The following SYNGR1 variants were observed in gnomAD, a reference collection of about 807,000 sequenced individuals.
The protein encoded by SYNGR1 is synaptogyrin-1.
A neutral mutation model predicts 26.1 loss-of-function variants in SYNGR1; 14 were observed. That is an observed-to-expected ratio of 0.54 (90% CI 0.35 to 0.84). The LOEUF is 0.84. SYNGR1 is among the 40% of genes least tolerant of loss of function. The pLI is 0.01. For missense variants in SYNGR1, 319 were observed against 332.9 expected, an observed-to-expected ratio of 0.96 and a Z score of 0.33; for synonymous variants, 141 against 150.1, an observed-to-expected ratio of 0.94 and a Z score of 0.44.
chr22:39,374,414 C>T lies in SYNGR1; in HGVS notation c.198C>T (p.Asn66=), dbSNP rs368987356. 25 of 1,614,066 alleles carry T rather than the reference C, an allele frequency of 1.5e-5. No individual in the cohort carries two copies. Among genetic ancestry groups the T allele is most frequent in the South Asian group, 6.6e-5 (6 of 91,092 alleles). ...TCTGCATCTACAACCGCAACCCCAACGCCTGCAGCTATGGCGTGGCCGTGG... is the reference window on the plus strand; with the variant it reads ...TCTGCATCTACAACCGCAACCCCAATGCCTGCAGCTATGGCGTGGCCGTGG... ...EEFCIYNRNP[N]ACSYGVAVGV... is the part of the protein sequence containing the mutation. The change falls in exon 2 of 4, where the codon AAC becomes AAT. Residue 66 remains asparagine (N), a synonymous_variant. Transcript: ENST00000328933.
chr22:39,373,174 G>C (rs895887627), intron 1 of SYNGR1, among the ~76,000 whole-genome samples: 2 of 148,624 alleles, frequency 1.3e-5, no homozygotes, highest in Non-Finnish European at 3.0e-5. Flanking sequence ...CACATAGATA[G>C]ATTTTTTTTT....
At chr22:39,372,762 C>T (rs554973417) in intron 1 of SYNGR1, among the ~76,000 whole-genome samples, 1 of 152,222 alleles carries the variant, frequency 6.6e-6, no homozygotes, top group East Asian at 1.9e-4. Flanking sequence ...AGCCACTGTG[C>T]CTGGCCTGGG....
In SYNGR1 at chr22:39,384,068, C is replaced by A. The variant is rs1043013542; in HGVS notation, c.*2154C>A. On this transcript the variant is annotated 3_prime_UTR_variant, in exon 4 of 4. Coordinates refer to ENST00000328933, the MANE Select transcript of SYNGR1 (RefSeq NM_004711.5). ...TTATCTGTTGGCCTGAAGAGTGAAA[C>A]CTGTACCAGGCCAAAGGTGAGGGCG... 5 of 154,168 alleles carry A rather than the reference C, an allele frequency of 3.2e-5. No individual in the cohort carries two copies. The Admixed American group carries it at 3.3e-4, about 10-fold the overall frequency. The allele number at this position is 154,168 out of a possible 1,614,324, so 9.6% of individuals were successfully genotyped here.
chr22:39,368,830 G>A (rs529745079), intron 1 of SYNGR1, among the ~76,000 whole-genome samples: 2 of 152,376 alleles, frequency 1.3e-5, no homozygotes, highest in South Asian at 4.1e-4. Context: ...GTGTCTGTTA[G>A]TAAGTGTTCG....
At chr22:39,377,657 C>A (rs757408238) in intron 3 of SYNGR1, 88 of 1,613,882 alleles carry the variant, frequency 5.5e-5, no homozygotes, top group Non-Finnish European at 7.0e-5. Flanking sequence ...AGGAGGAGTA[C>A]AGCACACTGT....
At chr22:39,362,342 C>A (rs565239341) in intron 1 of SYNGR1, among the ~76,000 whole-genome samples, 1 of 152,170 alleles carries the variant, frequency 6.6e-6, no homozygotes, top group Non-Finnish European at 1.5e-5. Context: ...ACCGAGCACT[C>A]GGGGCGACAG....
Position 39,384,587 on chromosome 22 carries a change from C to T in SYNGR1, c.*2673C>T, listed in dbSNP as rs1050603255. ...GCCCTGGAAGGTTCATGGGGAAACTCGCTCCTTCTGTTGGCAGAGGACAGC... is the reference window on the plus strand; with the variant it reads ...GCCCTGGAAGGTTCATGGGGAAACTTGCTCCTTCTGTTGGCAGAGGACAGC... On this transcript the variant is annotated 3_prime_UTR_variant, in exon 4 of 4. Transcript: ENST00000328933. 4 of 398,680 alleles carry T rather than the reference C, an allele frequency of 1.0e-5. No individual in the cohort carries two copies. The highest frequency in any genetic ancestry group is 4.4e-5 in the Admixed American group (1 of 22,708). 24.7% of individuals were successfully genotyped at this position (398,680 alleles called of 1,614,324 possible).
chr22:39,358,728 C>T (rs760345707), intron 1 of SYNGR1, among the ~76,000 whole-genome samples: 4 of 152,140 alleles, frequency 2.6e-5, no homozygotes, highest in African/African-American at 9.7e-5. Flanking sequence ...TAACACTCAC[C>T]GAGAGGGTCC....
At chr22:39,363,699 C>T (rs1452057662) in intron 1 of SYNGR1, among the ~76,000 whole-genome samples, 1 of 152,054 alleles carries the variant, frequency 6.6e-6, no homozygotes, top group Non-Finnish European at 1.5e-5. Flanking sequence ...TGGCTGCTGC[C>T]TGGGGACTGC....
intron 1 of SYNGR1, among the ~76,000 whole-genome samples, chr22:39,369,971 A>G (rs1924943066): frequency 6.6e-6 from 1 of 152,090 alleles, no homozygotes; most frequent in Admixed American, 6.6e-5. Context: ...TGTATAATTC[A>G]GTGTACATTT....
chr22:39,368,379 C>T (rs1924867361), intron 1 of SYNGR1, among the ~76,000 whole-genome samples: 1 of 152,210 alleles, frequency 6.6e-6, no homozygotes, highest in South Asian at 2.1e-4. Context: ...CTCAGTCTTG[C>T]TCCCCACACA....
At chr22:39,372,324 G>A (rs1165541020) in intron 1 of SYNGR1, among the ~76,000 whole-genome samples, 3 of 150,974 alleles carry the variant, frequency 2.0e-5, no homozygotes, top group Admixed American at 6.6e-5. Context: ...GTAGAGACAG[G>A]ATTTCACCAT....
At chr22:39,354,905 C>A (rs552916122) in intron 1 of SYNGR1, among the ~76,000 whole-genome samples, 20 of 151,750 alleles carry the variant, frequency 1.3e-4, no homozygotes, top group Non-Finnish European at 2.1e-4. Flanking sequence ...AGACCCCTTG[C>A]CTCCCCCAAC....
Position 39,382,048 on chromosome 22 carries a change from C to T in SYNGR1, c.*134C>T, listed in dbSNP as rs945641073. 9 of 995,234 alleles carry T rather than the reference C, an allele frequency of 9.0e-6. No individual in the cohort carries two copies. The highest frequency in any genetic ancestry group is 4.3e-5 in the South Asian group (3 of 69,460). 61.7% of individuals were successfully genotyped at this position (995,234 alleles called of 1,614,324 possible). On this transcript the variant is annotated 3_prime_UTR_variant, in exon 4 of 4. Coordinates refer to ENST00000328933, the MANE Select transcript of SYNGR1 (RefSeq NM_004711.5). ...TGTCCCACTGAGGTCCAGGGTAGCT[C>T]GGGGCAGGGGTGGGGCAGTCCAGTG... is the stretch of plus-strand genomic sequence containing the variant.
chr22:39,380,555 A>G (rs1925465348), intron 3 of SYNGR1, among the ~76,000 whole-genome samples: 2 of 150,132 alleles, frequency 1.3e-5, no homozygotes. Context: ...ATGCCCGGCT[A>G]ATTTGGTTTT....
intron 3 of SYNGR1, chr22:39,378,334 G>A (rs1925384317): frequency 4.1e-6 from 4 of 974,008 alleles, no homozygotes; most frequent in Non-Finnish European, 4.9e-6. Context: ...GCCAGCCCAG[G>A]GCTTAGCACA....
chr22:39,350,589 G>C lies in SYNGR1; in HGVS notation c.99+480G>C, dbSNP rs1055015967. On this transcript the variant is annotated intron_variant, in intron 1 of 3. Coordinates refer to ENST00000328933, the MANE Select transcript of SYNGR1 (RefSeq NM_004711.5). This position sits in a 1 kb window ranked among gnomAD's most constrained non-coding sequence, Gnocchi z 4.3. ...GGAGGAGGAGAGGGCCGGGAACCGG[G>C]TTCGTATTGCCTAGCCCGGCCCGTG... Among the ~76,000 whole-genome samples, 1 of 152,166 alleles carries C rather than the reference G, an allele frequency of 6.6e-6. No homozygotes were observed. The highest frequency in any genetic ancestry group is 1.9e-4 in the East Asian group (1 of 5,172).
chr22:39,361,195 T>C (rs931457586), intron 1 of SYNGR1, among the ~76,000 whole-genome samples: 1 of 152,136 alleles, frequency 6.6e-6, no homozygotes, highest in African/African-American at 2.4e-5. Flanking sequence ...CTTTCTTCTC[T>C]AGAAGGTGAG....
At chr22:39,355,695 G>A (rs1450524528) in intron 1 of SYNGR1, among the ~76,000 whole-genome samples, 1 of 152,180 alleles carries the variant, frequency 6.6e-6, no homozygotes, top group Non-Finnish European at 1.5e-5. Flanking sequence ...GGAGGGCCTG[G>A]GTTTGGGGAG....
Sources: allele counts gnomAD v4.1 joint callset (sites outside exome capture counted in the v4.1 genomes callset), GRCh38; gene constraint gnomAD v4.1.1; non-coding constraint Gnocchi (gnomAD v3.1); transcripts MANE v1.5; gene names NCBI Gene and HGNC (gene_info 2026-07-23, HGNC 2026-07-21).